The following RBM5 variants were observed in gnomAD, a reference collection of about 807,000 sequenced individuals.
RBM5 encodes the protein RNA-binding protein 5.
RBM5 carries 15 observed loss-of-function variants against 124.6 expected under a neutral mutation model. The ratio of observed to expected loss-of-function variants is 0.12; its 90% CI spans 0.08 to 0.19. RBM5 has a LOEUF of 0.19. RBM5 is among the 10% of genes least tolerant of loss of function. RBM5 has a pLI of 1.00. For missense variants in RBM5, 580 were observed against 1,026.5 expected (o/e 0.57, Z 5.94); for synonymous variants, 337 against 361.2 (o/e 0.93, Z 0.76).
chr3:50,100,124 G>GGTTTGCC lies in RBM5; in HGVS notation c.409+73_409+74insGTTTGCC. 11 of 1,306,924 alleles carry GGTTTGCC rather than the reference G, an allele frequency of 8.4e-6. No individual in the cohort carries two copies. The highest frequency in any genetic ancestry group is 1.3e-5 in the South Asian group (1 of 76,342). 81.0% of individuals were successfully genotyped at this position (1,306,924 alleles called of 1,614,324 possible). On this transcript the variant is annotated intron_variant, in intron 5 of 24. Coordinates refer to ENST00000347869, the MANE Select transcript of RBM5 (RefSeq NM_005778.4). The surrounding 1 kb of genome is among the most constrained non-coding windows in gnomAD (Gnocchi z 5.1). ...CACCTCAGTCCCTAAAGAACATCCTGATTCCCCCAGTCTTCAAGCACATGA... is the reference window on the plus strand; with the variant it reads ...CACCTCAGTCCCTAAAGAACATCCTGGTTTGCCATTCCCCCAGTCTTCAAGCACATGA...
chr3:50,089,905 G>A (rs2090673833), intron 1 of RBM5: 1 of 158,536 alleles, frequency 6.3e-6, no homozygotes, highest in Non-Finnish European at 1.4e-5. Context: ...GTAGATTTCA[G>A]TCAGCTCAGT....
intron 20 of RBM5, chr3:50,115,077 TG>T (rs1398756572): frequency 5.0e-6 from 1 of 200,056 alleles, no homozygotes; most frequent in Non-Finnish European, 1.0e-5. Context: ...CTGAGACACT[TG>T]AATCACTTGA....
chr3:50,108,393 C>A, intron 14 of RBM5, 89 bp downstream of exon 14: 1 of 1,257,716 alleles, frequency 8.0e-7, no homozygotes, highest in African/African-American at 1.5e-5. Context: ...CCAAAAGCTA[C>A]AAGTCCATTT....
In RBM5 at chr3:50,100,124, G is replaced by T. The variant is rs1032259296; in HGVS notation, c.409+73G>T. 2 of 1,306,924 alleles carry T rather than the reference G, an allele frequency of 1.5e-6. No individual in the cohort carries two copies. Among genetic ancestry groups the T allele is most frequent in the Non-Finnish European group, 2.2e-6 (2 of 924,198 alleles). The allele number at this position is 1,306,924 out of a possible 1,614,324, so 81.0% of individuals were successfully genotyped here. A position where few individuals can be genotyped will look rare whatever the true frequency, so the allele number is the denominator to read the frequency against. ...CACCTCAGTCCCTAAAGAACATCCT[G>T]ATTCCCCCAGTCTTCAAGCACATGA... On this transcript the variant is annotated intron_variant, in intron 5 of 24. Coordinates refer to ENST00000347869, the MANE Select transcript of RBM5 (RefSeq NM_005778.4). This position sits in a 1 kb window ranked among gnomAD's most constrained non-coding sequence, Gnocchi z 5.1.
chr3:50,109,559 C>T (rs763611226), intron 14 of RBM5, 44 bp from the exon 15 acceptor site: 7 of 1,506,908 alleles, frequency 4.6e-6, no homozygotes, highest in East Asian at 2.3e-5. Flanking sequence ...TTTGGGTTGG[C>T]GTTCAGTGCC....
At position 50,107,768 on chromosome 3, in the gene RBM5, G is replaced by A. The variant is rs149150469; in HGVS notation, c.1041+199G>A. Among the ~76,000 whole-genome samples the A allele has an allele frequency of 1.6e-4, 21 of 127,564 alleles. No individual in the cohort carries two copies. The East Asian group carries it at 5.7e-3, about 34-fold the overall frequency. 83.7% of individuals were successfully genotyped at this position (127,564 alleles called of 152,430 possible). A position where few individuals can be genotyped will look rare whatever the true frequency, so the allele number is the denominator to read the frequency against. Reference sequence around the variant, plus strand: ...ATGGTGCAATCTTGGCTCACTGCAAGCTCCACCTTCCAGGTTCAAGTGGTT... The same window carrying A: ...ATGGTGCAATCTTGGCTCACTGCAAACTCCACCTTCCAGGTTCAAGTGGTT... On this transcript the variant is annotated intron_variant, in intron 12 of 24. Transcript: ENST00000347869.
chr3:50,108,267 A>G lies in RBM5; in HGVS notation c.1155A>G (p.Gln385=), dbSNP rs563882793. ...ATTATCAGCAGTTTTATCAACAACA[A>G]GCTGGAGGATTGGAATCTGATGCAT... ...SQDYQQFYQQ[Q]AGGLESDASS... is the part of the protein sequence containing the mutation. The change falls in exon 14 of 25, where the codon CAA becomes CAG. Residue 385 remains glutamine (Q), a synonymous_variant. Coordinates refer to ENST00000347869, the MANE Select transcript of RBM5 (RefSeq NM_005778.4). 5.0e-6 allele frequency: 8 copies of G among 1,613,698 alleles called. No individual in the cohort carries two copies. The Admixed American group carries it at 8.3e-5, about 17-fold the overall frequency.
Position 50,100,739 on chromosome 3 carries a change from T to G in RBM5, c.483+134T>G. On this transcript the variant is annotated intron_variant, in intron 6 of 24. Coordinates refer to ENST00000347869, the MANE Select transcript of RBM5 (RefSeq NM_005778.4). The surrounding 1 kb of genome is among the most constrained non-coding windows in gnomAD (Gnocchi z 5.1). ...AAAAAAAGCTTTGTATATATTAAAA[T>G]TGATGTTACTAGAATAAGTACAGTA... The G allele has an allele frequency of 1.6e-6, 1 of 632,636 alleles. No homozygotes were observed. The highest frequency in any genetic ancestry group is 2.6e-6 in the Non-Finnish European group (1 of 378,888). The allele number at this position is 632,636 out of a possible 1,614,324, so 39.2% of individuals were successfully genotyped here. A position where few individuals can be genotyped will look rare whatever the true frequency, so the allele number is the denominator to read the frequency against.
chr3:50,095,212 G>T (rs1355763053), intron 4 of RBM5, among the ~76,000 whole-genome samples: 1 of 152,080 alleles, frequency 6.6e-6, no homozygotes, highest in Admixed American at 6.6e-5. Flanking sequence ...AAAACAAAAA[G>T]AAGTAAATTA....
chr3:50,111,256 G>A (rs1015247238), intron 17 of RBM5, among the ~76,000 whole-genome samples: 5 of 152,050 alleles, frequency 3.3e-5, no homozygotes, highest in African/African-American at 4.8e-5. Context: ...CAAATCAGTG[G>A]CTTTTAATAT....
chr3:50,099,049 G>A (rs1433930161), intron 4 of RBM5, among the ~76,000 whole-genome samples: 2 of 152,120 alleles, frequency 1.3e-5, no homozygotes, highest in Non-Finnish European at 2.9e-5. Context: ...GAGCCCAGGA[G>A]TTCCAGACCA....
chr3:50,109,539 A>G (rs1219010088), intron 14 of RBM5, 64 bp from the exon 15 acceptor site: 1 of 1,349,336 alleles, frequency 7.4e-7, no homozygotes, highest in Admixed American at 1.7e-5. Flanking sequence ...GGGCATTACA[A>G]ATAAAGATGT....
rs377724449 is a variant in RBM5, at chr3:50,097,251, C to G, written c.340-2731C>G. On this transcript the variant is annotated intron_variant, in intron 4 of 24. Coordinates refer to ENST00000347869, the MANE Select transcript of RBM5 (RefSeq NM_005778.4). Reference sequence around the variant, plus strand: ...TCTACTAAAACTACAAAAAAATTAGCCAGCCGTGGTGGCGGGCGCCTGTAG... The same window carrying G: ...TCTACTAAAACTACAAAAAAATTAGGCAGCCGTGGTGGCGGGCGCCTGTAG... 6.7e-3 allele frequency among the ~76,000 whole-genome samples: 1,027 copies of G among 152,228 alleles called. 15 individuals are homozygous for G. Among genetic ancestry groups the G allele is most frequent in the South Asian group, 0.04 (194 of 4,820 alleles).
intron 20 of RBM5, 88 bp downstream of exon 20, chr3:50,114,339 C>G (rs911405098): frequency 1.5e-6 from 2 of 1,322,650 alleles, no homozygotes; most frequent in Admixed American, 5.2e-5. Context: ...TAATGTGATT[C>G]CTACTTAAAA....
At chr3:50,091,115 C>G (rs545759833) in intron 2 of RBM5, among the ~76,000 whole-genome samples, 1 of 152,226 alleles carries the variant, frequency 6.6e-6, no homozygotes, top group African/African-American at 2.4e-5. Flanking sequence ...GAGGTCAGTC[C>G]CTGTGGTAGA....
chr3:50,109,967 C>G (rs1191957745), intron 15 of RBM5: 2 of 338,014 alleles, frequency 5.9e-6, no homozygotes, highest in South Asian at 4.0e-5. Context: ...AATCCCAGCA[C>G]TTTGGGAGGC....
intron 15 of RBM5, chr3:50,109,952 C>T (rs1299268602): frequency 2.9e-6 from 1 of 342,848 alleles, no homozygotes; most frequent in Non-Finnish European, 5.3e-6. Flanking sequence ...GTGGCTCGCG[C>T]CTGTAATCCC....
intron 3 of RBM5, 148 bp from the exon 4 acceptor site, chr3:50,093,572 T>A (rs1401394680): frequency 1.6e-4 from 119 of 750,434 alleles, no homozygotes; most frequent in Non-Finnish European, 2.0e-4. Context: ...GACCCCTGTC[T>A]CAAAAAAAAA....
intron 4 of RBM5, among the ~76,000 whole-genome samples, chr3:50,095,682 T>G (rs1392295832): frequency 6.6e-6 from 1 of 151,966 alleles, no homozygotes; most frequent in Non-Finnish European, 1.5e-5. Context: ...ATTCTCTTCC[T>G]AAGGCACTGT....
Sources: gnomAD v4.1 joint callset for allele counts (sites outside exome capture counted in the v4.1 genomes callset) on GRCh38, gnomAD v4.1.1 for gene constraint, Gnocchi (gnomAD v3.1) non-coding constraint, MANE v1.5 for transcripts, NCBI Gene and HGNC (gene_info 2026-07-23, HGNC 2026-07-21) for gene names.